ZNF667: variants seen among roughly 807,000 people sequenced by gnomAD.
The protein encoded by ZNF667 is myocardial ischemic preconditioning upregulated 1 ortholog.
ZNF667 carries 13 observed loss-of-function variants against 31.8 expected under a neutral mutation model. That is an observed-to-expected ratio of 0.41 (90% CI 0.27 to 0.65). The LOEUF (loss-of-function observed/expected upper bound fraction) is 0.65. Ranked by LOEUF, ZNF667 falls within the 30% of genes least tolerant of loss-of-function variation. ZNF667 has a pLI of 0.32. For synonymous variants in ZNF667, 228 were observed against 247.1 expected (o/e 0.92, Z 0.73); for missense variants, 642 against 725.6 (o/e 0.88, Z 1.32).
intron 6 of ZNF667, among the ~76,000 whole-genome samples, chr19:56,450,386 A>G (rs2042795662): frequency 6.6e-6 from 1 of 152,206 alleles, no homozygotes; most frequent in Admixed American, 6.5e-5. Context: ...CCCTTCAAAC[A>G]GGAAGGAGAA....
intron 2 of ZNF667, chr19:56,473,024 TAC>T (rs1372362448): frequency 6.6e-6 from 1 of 152,254 alleles, no homozygotes; most frequent in African/African-American, 2.4e-5. Flanking sequence ...AGACCGAAGA[TAC>T]ACGTTATTTA....
Position 56,441,950 on chromosome 19 carries a change from GGT to G in ZNF667, c.1043_1044del (p.His348ProfsTer13). 2 of 1,614,044 alleles carry G rather than the reference GGT, an allele frequency of 1.2e-6. No individual in the cohort carries two copies. Among genetic ancestry groups the G allele is most frequent in the East Asian group, 4.5e-5 (2 of 44,868 alleles). ...LFNRISPLML[H>X]QRIHTSEKPY... is the part of the protein sequence containing the mutation. ...GGTTTCTCTGAAGTGTGAATTCTCT[GGT>G]GAAGCATCAGGGGTGAAATCCTATT... On this transcript the variant is annotated frameshift_variant, in exon 7 of 7. Transcript: ENST00000504904. LOFTEE classifies it high-confidence loss of function. The surrounding 1 kb of genome is among the most constrained non-coding windows in gnomAD (Gnocchi z 4.2).
intron 3 of ZNF667, among the ~76,000 whole-genome samples, chr19:56,464,889 A>G (rs548201885): frequency 6.6e-6 from 1 of 152,196 alleles, no homozygotes; most frequent in Non-Finnish European, 1.5e-5. Context: ...TCCCAGAGAC[A>G]CAGTTCTGCT....
chr19:56,473,204 A>C lies in ZNF667; in HGVS notation c.-549+808T>G, dbSNP rs1488930413. 5.3e-5 allele frequency: 8 copies of C among 152,314 alleles called. No homozygotes were observed. The East Asian group carries it at 1.5e-3, about 29-fold the overall frequency. The allele number at this position is 152,314 out of a possible 1,614,324, so 9.4% of individuals were successfully genotyped here. A position where few individuals can be genotyped will look rare whatever the true frequency, so the allele number is the denominator to read the frequency against. The stretch of plus-strand genomic sequence containing the variant: ...GGGGTGGGCCTGCAGCAGGCTGTCT[A>C]TGTTCAGTATTTAACTCTGCCGTCC... On this transcript the variant is annotated intron_variant, in intron 2 of 6. Coordinates refer to ENST00000504904, the MANE Select transcript of ZNF667 (RefSeq NM_001321356.2).
intron 5 of ZNF667, among the ~76,000 whole-genome samples, chr19:56,459,969 C>T (rs973756925): frequency 2.0e-5 from 3 of 151,020 alleles, no homozygotes; most frequent in Non-Finnish European, 2.9e-5. Flanking sequence ...TCCAGCCTGG[C>T]GAAAGAGCAA....
Position 56,442,183 on chromosome 19 carries a change from T to C in ZNF667, c.812A>G (p.His271Arg), listed in dbSNP as rs758148096. The change falls in exon 7 of 7, where the codon CAT becomes CGT. Residue 271 changes from histidine to arginine, a missense_variant. Transcript: ENST00000504904. ...AFNQMSSLLL[H>R]KKIHNGKKTH... is the part of the protein sequence containing the mutation. ...TTTCTTTCCATTGTGAATTTTCTTA[T>C]GAAGTAAAAGGGATGACATCTGATT... is the stretch of plus-strand genomic sequence containing the variant. 20 of 1,613,648 alleles carry C rather than the reference T, an allele frequency of 1.2e-5. No homozygotes were observed. Among genetic ancestry groups the C allele is most frequent in the Admixed American group, 1.7e-5 (1 of 59,902 alleles).
chr19:56,466,961 G>T (rs1366766802), intron 3 of ZNF667: 1 of 455,212 alleles, frequency 2.2e-6, no homozygotes, highest in Non-Finnish European at 4.4e-6. Context: ...CAATAAACTT[G>T]CTTCTTTCAC....
chr19:56,444,083 T>C (rs535955972), intron 6 of ZNF667: 2 of 395,182 alleles, frequency 5.1e-6, no homozygotes, highest in Admixed American at 4.4e-5. Flanking sequence ...TGATATAATA[T>C]GTTGGATATA....
chr19:56,461,895 T>A (rs752326449), intron 4 of ZNF667, among the ~76,000 whole-genome samples: 1 of 152,220 alleles, frequency 6.6e-6, no homozygotes, highest in East Asian at 1.9e-4. Flanking sequence ...ATTTCCTCCA[T>A]GTAAATATGG....
In ZNF667 at chr19:56,439,762, C is replaced by T. The variant is rs1222894680; in HGVS notation, c.*1400G>A. The T allele has an allele frequency of 6.5e-6, 1 of 152,774 alleles. No homozygotes were observed. The highest frequency in any genetic ancestry group is 1.5e-5 in the Non-Finnish European group (1 of 68,496). 9.5% of individuals were successfully genotyped at this position (152,774 alleles called of 1,614,324 possible). A position where few individuals can be genotyped will look rare whatever the true frequency, so the allele number is the denominator to read the frequency against. ...CTCCGCCTCCTGGGTTCAAGCGATT[C>T]TTCTCCTTCAGCCTCCCGAGTAGCT... is the stretch of plus-strand genomic sequence containing the variant. On this transcript the variant is annotated 3_prime_UTR_variant, in exon 7 of 7. Transcript: ENST00000504904.
intron 2 of ZNF667, chr19:56,472,749 G>A (rs968372316): frequency 6.6e-6 from 1 of 152,166 alleles, no homozygotes; most frequent in Non-Finnish European, 1.5e-5. Flanking sequence ...GACTGTGTAG[G>A]TTATTGCTTA....
intron 3 of ZNF667, among the ~76,000 whole-genome samples, chr19:56,469,677 C>T (rs1329908242): frequency 1.3e-5 from 2 of 152,146 alleles, no homozygotes; most frequent in Non-Finnish European, 2.9e-5. Context: ...CCACCCTTCA[C>T]GGCTGGTTCA....
intron 6 of ZNF667, among the ~76,000 whole-genome samples, chr19:56,453,402 A>G (rs1207626746): frequency 1.3e-5 from 2 of 152,194 alleles, no homozygotes; most frequent in Non-Finnish European, 2.9e-5. Context: ...TCAAAACCCA[A>G]GGACACATCA....
chr19:56,443,694 T>C (rs1292947746), intron 6 of ZNF667, among the ~76,000 whole-genome samples: 4 of 152,212 alleles, frequency 2.6e-5, no homozygotes, highest in African/African-American at 9.6e-5. Flanking sequence ...CATATGACTG[T>C]ATTTAGATAT....
intron 5 of ZNF667, among the ~76,000 whole-genome samples, chr19:56,459,272 C>G (rs1003889386): frequency 6.6e-6 from 1 of 152,198 alleles, no homozygotes; most frequent in East Asian, 1.9e-4. Context: ...TCAGAAACTC[C>G]TGAGGCTGGT....
chr19:56,472,203 C>G lies in ZNF667; in HGVS notation c.-548-16G>C, dbSNP rs2043306978. The G allele has an allele frequency of 6.6e-6, 1 of 152,212 alleles. No homozygotes were observed. Among genetic ancestry groups the G allele is most frequent in the Admixed American group, 6.5e-5 (1 of 15,286 alleles). The allele number at this position is 152,212 out of a possible 1,614,324, so 9.4% of individuals were successfully genotyped here. On this transcript the variant is annotated splice_polypyrimidine_tract_variant and intron_variant, in intron 2 of 6. Transcript: ENST00000504904. ...CTCGGCACTACTGGGGAAGAAAGAACAGCAGTTTGATATTAGGTAATCCTG... is the reference window on the plus strand; with the variant it reads ...CTCGGCACTACTGGGGAAGAAAGAAGAGCAGTTTGATATTAGGTAATCCTG...
At position 56,440,659 on chromosome 19, in the gene ZNF667, C is replaced by CA; in HGVS notation, c.*502dup. 1 of 840,026 alleles carries CA rather than the reference C, an allele frequency of 1.2e-6. No individual in the cohort carries two copies. The highest frequency in any genetic ancestry group is 5.4e-5 in the South Asian group (1 of 18,574). 52.0% of individuals were successfully genotyped at this position (840,026 alleles called of 1,614,324 possible). On this transcript the variant is annotated 3_prime_UTR_variant, in exon 7 of 7. Transcript: ENST00000504904. ...TCGGTAATTTTTTTTTTTTTTGACA[C>CA]AGAGTCTTGCTCTGTTGCCCAGACT...
intron 2 of ZNF667, 149 bp downstream of exon 2, chr19:56,473,863 T>C (rs1005303255): frequency 1.3e-5 from 2 of 152,212 alleles, no homozygotes; most frequent in Non-Finnish European, 2.9e-5. Context: ...ACAAAAAGTT[T>C]GTAGCAGTGA....
Position 56,440,435 on chromosome 19 carries a change from A to C in ZNF667, c.*727T>G, listed in dbSNP as rs2147644349. The C allele has an allele frequency of 4.4e-6, 1 of 226,572 alleles. No homozygotes were observed. Among genetic ancestry groups the C allele is most frequent in the South Asian group, 1.6e-4 (1 of 6,288 alleles). The allele number at this position is 226,572 out of a possible 1,614,324, so 14.0% of individuals were successfully genotyped here. On this transcript the variant is annotated 3_prime_UTR_variant, in exon 7 of 7. Coordinates refer to ENST00000504904, the MANE Select transcript of ZNF667 (RefSeq NM_001321356.2). ...GACTCACTTTTCTTTATTCTCACCCACAAGTTTGTCAGCTGAAAGTGGCAC... is the reference window on the plus strand; with the variant it reads ...GACTCACTTTTCTTTATTCTCACCCCCAAGTTTGTCAGCTGAAAGTGGCAC...
Sources: gnomAD v4.1 joint callset for allele counts (sites outside exome capture counted in the v4.1 genomes callset) on GRCh38, gnomAD v4.1.1 for gene constraint, Gnocchi (gnomAD v3.1) non-coding constraint, MANE v1.5 for transcripts, NCBI Gene and HGNC (gene_info 2026-07-23, HGNC 2026-07-21) for gene names.